The following DGKG variants were observed in gnomAD, a reference collection of about 807,000 sequenced individuals.
The protein encoded by DGKG is diacylglycerol kinase gamma.
In DGKG, 78 loss-of-function variants were observed where a neutral mutation model predicts 105.3. That is an observed-to-expected ratio of 0.74 (90% CI 0.62 to 0.89). DGKG has a LOEUF of 0.89. Among genes scored for constraint, DGKG ranks in the 40% least tolerant of loss-of-function variants. The probability of loss-of-function intolerance (pLI) is 0.00; values close to 1 mark genes in which losing one functional copy is unlikely to be tolerated. For missense variants in DGKG, 958 were observed against 1,020.1 expected, an observed-to-expected ratio of 0.94 and a Z score of 0.83; for synonymous variants, 346 against 367.1, an observed-to-expected ratio of 0.94 and a Z score of 0.66.
chr3:186,239,696 C>T (rs978339258), intron 20 of DGKG, among the ~76,000 whole-genome samples: 7 of 152,148 alleles, frequency 4.6e-5, no homozygotes, highest in African/African-American at 7.2e-5. Context: ...GTTTGTTAGG[C>T]GAGCACGCAG....
intron 20 of DGKG, among the ~76,000 whole-genome samples, chr3:186,219,151 TAAAA>T (rs35173611): frequency 4.0e-5 from 5 of 124,336 alleles, no homozygotes; most frequent in Admixed American, 7.9e-5. Flanking sequence ...CATCAAGAGT[TAAAA>T]AAAAAAAAAA....
At chr3:186,341,444 C>T (rs1578857539) in intron 1 of DGKG, among the ~76,000 whole-genome samples, 1 of 152,136 alleles carries the variant, frequency 6.6e-6, no homozygotes, top group Non-Finnish European at 1.5e-5. Flanking sequence ...CCAAGAAGTT[C>T]AAGACCAACC....
chr3:186,237,179 C>T (rs147815265), intron 20 of DGKG, among the ~76,000 whole-genome samples: 1,858 of 152,254 alleles, frequency 0.012, 18 homozygotes, highest in Non-Finnish European at 0.018. Context: ...ATTCTTTTGA[C>T]TTTATTGCAA....
chr3:186,158,779 T>TTA, intron 24 of DGKG: 1 of 933,910 alleles, frequency 1.1e-6, no homozygotes, highest in Non-Finnish European at 1.3e-6. Flanking sequence ...TGATAGTTTT[T>TTA]TATATATTTT....
chr3:186,273,617 C>T (rs895373780), intron 10 of DGKG, among the ~76,000 whole-genome samples: 4 of 152,174 alleles, frequency 2.6e-5, no homozygotes, highest in African/African-American at 9.6e-5. Context: ...TCGTGATCCA[C>T]CCGTCTTGGC....
intron 20 of DGKG, among the ~76,000 whole-genome samples, chr3:186,238,929 T>A (rs1311351622): frequency 1.3e-5 from 2 of 152,184 alleles, no homozygotes; most frequent in Non-Finnish European, 2.9e-5. Flanking sequence ...ATTTGATGCC[T>A]CTTAGGATTC....
At chr3:186,269,136 C>T (rs17196066) in intron 11 of DGKG, among the ~76,000 whole-genome samples, 3,514 of 152,336 alleles carry the variant, frequency 0.023, 65 homozygotes, top group African/African-American at 0.043. Context: ...ATTAAAAGCT[C>T]GCTTTGCCAC....
In DGKG at chr3:186,298,325, G is replaced by A. The variant is rs144683212; in HGVS notation, c.145-96C>T. ...GAATAGAAAAGCTGGCAGGTGAAAG[G>A]AATGGAAAGGGAGGCAGTAGGACAT... On this transcript the variant is annotated intron_variant, in intron 3 of 24. Transcript: ENST00000265022. 1,584 of 1,210,394 alleles carry A rather than the reference G, an allele frequency of 1.3e-3. 15 individuals are homozygous for A. In the African/African-American group the frequency reaches 0.02, roughly 16 times the overall value. The allele number at this position is 1,210,394 out of a possible 1,614,324, so 75.0% of individuals were successfully genotyped here. A position where few individuals can be genotyped will look rare whatever the true frequency, so the allele number is the denominator to read the frequency against.
chr3:186,335,681 A>T (rs371159207), intron 1 of DGKG, among the ~76,000 whole-genome samples: 6 of 152,324 alleles, frequency 3.9e-5, no homozygotes, highest in Middle Eastern at 3.4e-3. Flanking sequence ...TAAATTAGCC[A>T]AGGTAACGCT....
intron 1 of DGKG, among the ~76,000 whole-genome samples, chr3:186,343,834 T>C (rs569557150): frequency 6.6e-6 from 1 of 152,228 alleles, no homozygotes; most frequent in Non-Finnish European, 1.5e-5. Context: ...TTTAGCTCTT[T>C]TTGTCTTTTT....
chr3:186,153,842 C>T (rs144725671), intron 24 of DGKG, among the ~76,000 whole-genome samples: 8,314 of 152,216 alleles, frequency 0.055, 634 homozygotes, highest in African/African-American at 0.17. Flanking sequence ...CGGTGGCTCA[C>T]GCCTGTAATC....
At chr3:186,314,433 G>A (rs888105434) in intron 2 of DGKG, among the ~76,000 whole-genome samples, 2 of 152,130 alleles carry the variant, frequency 1.3e-5, no homozygotes, top group Non-Finnish European at 2.9e-5. Context: ...GTAATGCTTG[G>A]CATTGATATG....
intron 22 of DGKG, among the ~76,000 whole-genome samples, chr3:186,185,223 C>T (rs1717566802): frequency 1.3e-5 from 2 of 152,186 alleles, no homozygotes; most frequent in South Asian, 4.1e-4. Context: ...AGATCATAGC[C>T]CTTTCAAGAA....
intron 19 of DGKG, among the ~76,000 whole-genome samples, chr3:186,243,033 G>A (rs1374654044): frequency 6.6e-6 from 1 of 151,898 alleles, no homozygotes; most frequent in Non-Finnish European, 1.5e-5. Flanking sequence ...TGCAAAAATA[G>A]CATAGAGTTC....
rs2239625 is a variant in DGKG at position 186,284,951 on chromosome 3, G to T, written c.545-242C>A. 0.11 allele frequency among the ~76,000 whole-genome samples: 16,641 copies of T among 152,214 alleles called. 1,163 individuals are homozygous for T. The highest frequency in any genetic ancestry group is 0.2 in the East Asian group (1,019 of 5,182). ...TACCTATGTGGCTGATGAAGTCCAGGTCATGAGTGTAATTCCCTGGGGAGC... is the reference window on the plus strand; with the variant it reads ...TACCTATGTGGCTGATGAAGTCCAGTTCATGAGTGTAATTCCCTGGGGAGC... On this transcript the variant is annotated intron_variant, in intron 6 of 24. Transcript: ENST00000265022. This position sits in a 1 kb window ranked among gnomAD's most constrained non-coding sequence, Gnocchi z 4.0.
chr3:186,203,968 T>C lies in DGKG; in HGVS notation c.1917+7827A>G, dbSNP rs564788486. Among the ~76,000 whole-genome samples the C allele has an allele frequency of 3.5e-4, 53 of 152,346 alleles. No homozygotes were observed. Among genetic ancestry groups the C allele is most frequent in the African/African-American group, 1.3e-3 (52 of 41,576 alleles). On this transcript the variant is annotated intron_variant, in intron 21 of 24. Transcript: ENST00000265022. This position sits in a 1 kb window ranked among gnomAD's most constrained non-coding sequence, Gnocchi z 4.9. The stretch of plus-strand genomic sequence containing the variant: ...CCTCTTTCCCTCTAGTTTAAGAGTG[T>C]GCAGCACTGCAGGTGGATGCTAAGA...
chr3:186,252,826 C>T (rs956635351), intron 18 of DGKG, among the ~76,000 whole-genome samples: 7 of 152,100 alleles, frequency 4.6e-5, no homozygotes, highest in Middle Eastern at 3.2e-3. Flanking sequence ...CTGGGGAAAG[C>T]AGGCTCTAAG....
intron 22 of DGKG, among the ~76,000 whole-genome samples, chr3:186,182,872 A>C (rs1018642692): frequency 6.6e-6 from 1 of 152,202 alleles, no homozygotes; most frequent in Non-Finnish European, 1.5e-5. Context: ...TGAAGGGGAC[A>C]CAAAGATAAA....
At chr3:186,335,576 C>T (rs1172564447) in intron 1 of DGKG, among the ~76,000 whole-genome samples, 1 of 152,100 alleles carries the variant, frequency 6.6e-6, no homozygotes, top group African/African-American at 2.4e-5. Flanking sequence ...GATACTTTTG[C>T]CACCTACCAA....
Sources: gnomAD v4.1 joint callset for allele counts (sites outside exome capture counted in the v4.1 genomes callset) on GRCh38, gnomAD v4.1.1 for gene constraint, Gnocchi (gnomAD v3.1) non-coding constraint, MANE v1.5 for transcripts, NCBI Gene and HGNC (gene_info 2026-07-23, HGNC 2026-07-21) for gene names.